Variants in USP6NL observed in about 807,000 individuals in gnomAD.
USP6NL encodes USP6 N-terminal-like protein.
Under a neutral mutation model 61.9 loss-of-function variants are expected in USP6NL, and 26 were observed. The observed-to-expected ratio is 0.42, with a 90% CI of 0.31 to 0.58. The LOEUF is 0.58. USP6NL is among the 20% of genes least tolerant of loss of function. USP6NL has a pLI of 0.16. For synonymous variants in USP6NL, 432 were observed against 390.1 expected, an observed-to-expected ratio of 1.11 and a Z score of -1.27; for missense variants, 1,114 against 1,034.3, an observed-to-expected ratio of 1.08 and a Z score of -1.06.
chr10:11,509,506 A>C, intron 6 of USP6NL, 89 bp downstream of exon 6: 3 of 1,242,102 alleles, frequency 2.4e-6, no homozygotes, highest in Non-Finnish European at 3.3e-6. Context: ...TATGAATGTA[A>C]CACTCTTATA....
chr10:11,484,821 C>A lies in USP6NL; in HGVS notation c.925+150G>T, dbSNP rs991523014. ...AGAAAGAACTTACAAAAGTACATTA[C>A]CAATTGATGATAATTTCTCCACTGA... On this transcript the variant is annotated intron_variant, in intron 13 of 14. Transcript: ENST00000609104. 7.0e-6 allele frequency: 4 copies of A among 571,952 alleles called. No homozygotes were observed. The African/African-American group carries it at 7.7e-5, about 11-fold the overall frequency. The allele number at this position is 571,952 out of a possible 1,614,324, so 35.4% of individuals were successfully genotyped here. A position where few individuals can be genotyped will look rare whatever the true frequency, so the allele number is the denominator to read the frequency against.
intron 2 of USP6NL, among the ~76,000 whole-genome samples, chr10:11,544,658 T>G (rs953244455): frequency 6.6e-6 from 1 of 152,130 alleles, no homozygotes; most frequent in African/African-American, 2.4e-5. Flanking sequence ...TGGCCAACCT[T>G]TTGTATTTTC....
chr10:11,468,932 T>A lies in USP6NL; in HGVS notation c.1079-5083A>T, dbSNP rs1015136158. ...TGCAAAGGTATGTGTCATACATACG[T>A]AGGAGATTTAATTTTTTAATATAAG... On this transcript the variant is annotated intron_variant, in intron 14 of 14. Transcript: ENST00000609104. The surrounding 1 kb of genome is among the most constrained non-coding windows in gnomAD (Gnocchi z 4.5). Among the ~76,000 whole-genome samples the A allele has an allele frequency of 1.3e-5, 2 of 152,242 alleles. No individual in the cohort carries two copies. Among genetic ancestry groups the A allele is most frequent in the African/African-American group, 4.8e-5 (2 of 41,456 alleles).
rs116178080 is a variant in USP6NL, at chr10:11,585,581, G to T, written c.4+12050C>A. ...GGAGGCTGAGGAACGGGAATGGCGC[G>T]AACCCGGGATGCGGAGCTTTCAGTG... On this transcript the variant is annotated intron_variant, in intron 2 of 14. Transcript: ENST00000609104. This position sits in a 1 kb window ranked among gnomAD's most constrained non-coding sequence, Gnocchi z 4.5. 2.0e-5 allele frequency among the ~76,000 whole-genome samples: 3 copies of T among 152,062 alleles called. No homozygotes were observed. The highest frequency in any genetic ancestry group is 2.9e-5 in the Non-Finnish European group (2 of 68,020).
intron 2 of USP6NL, among the ~76,000 whole-genome samples, chr10:11,547,092 C>A (rs1046280748): frequency 1.8e-4 from 28 of 152,146 alleles, no homozygotes. Context: ...CTAATAACTT[C>A]TTTACTACTT....
At chr10:11,538,691 A>G (rs948891998) in intron 2 of USP6NL, among the ~76,000 whole-genome samples, 1 of 152,160 alleles carries the variant, frequency 6.6e-6, no homozygotes, top group Non-Finnish European at 1.5e-5. Flanking sequence ...TTTCTCTTAT[A>G]TATTTATTCC....
rs1832408524 is a variant in USP6NL, at chr10:11,465,407, C to T, written c.1079-1558G>A. Among the ~76,000 whole-genome samples the T allele has an allele frequency of 1.3e-5, 2 of 152,198 alleles. No individual in the cohort carries two copies. The highest frequency in any genetic ancestry group is 1.3e-4 in the Admixed American group (2 of 15,280). On this transcript the variant is annotated intron_variant, in intron 14 of 14. Coordinates refer to ENST00000609104, the MANE Select transcript of USP6NL (RefSeq NM_014688.5). This position sits in a 1 kb window ranked among gnomAD's most constrained non-coding sequence, Gnocchi z 4.5. ...AAGATGCACTGTCACAGGGGCAAAA[C>T]TGGATTCGCTGCAGAGACTGTCACA...
rs1297895615 is a variant in USP6NL at position 11,611,178 on chromosome 10, C to G, written c.-84+265G>C. On this transcript the variant is annotated intron_variant, in intron 1 of 14. Transcript: ENST00000609104. This position sits in a 1 kb window ranked among gnomAD's most constrained non-coding sequence, Gnocchi z 5.3. Reference sequence around the variant, plus strand: ...CGCCGGGTTCCACCCCCGGGCCTCCCCGCACCCCGCGCGGCGCCCCCAGCC... The same window carrying G: ...CGCCGGGTTCCACCCCCGGGCCTCCGCGCACCCCGCGCGGCGCCCCCAGCC... 6.6e-6 allele frequency: 1 copy of G among 152,022 alleles called. No individual in the cohort carries two copies. Among genetic ancestry groups the G allele is most frequent in the Admixed American group, 6.5e-5 (1 of 15,274 alleles). The allele number at this position is 152,022 out of a possible 1,614,324, so 9.4% of individuals were successfully genotyped here. A position where few individuals can be genotyped will look rare whatever the true frequency, so the allele number is the denominator to read the frequency against.
At position 11,592,733 on chromosome 10, in the gene USP6NL, T is replaced by C. The variant is rs1448117467; in HGVS notation, c.4+4898A>G. Among the ~76,000 whole-genome samples, 1 of 152,224 alleles carries C rather than the reference T, an allele frequency of 6.6e-6. No homozygotes were observed. Among genetic ancestry groups the C allele is most frequent in the Non-Finnish European group, 1.5e-5 (1 of 68,032 alleles). On this transcript the variant is annotated intron_variant, in intron 2 of 14. Transcript: ENST00000609104. This position sits in a 1 kb window ranked among gnomAD's most constrained non-coding sequence, Gnocchi z 4.7. ...AGATAGGCTACTGTCCTAGAGAGTT[T>C]TAGCCAGTACTTATGGGAAGTCTTC... is the stretch of plus-strand genomic sequence containing the variant.
chr10:11,569,141 GT>G (rs1173647968), intron 2 of USP6NL, among the ~76,000 whole-genome samples: 1 of 152,152 alleles, frequency 6.6e-6, no homozygotes, highest in Admixed American at 6.5e-5. Context: ...TATAACTTTA[GT>G]TTTGTAAGCT....
chr10:11,569,298 T>C (rs541531473), intron 2 of USP6NL, among the ~76,000 whole-genome samples: 2 of 152,208 alleles, frequency 1.3e-5, no homozygotes, highest in Admixed American at 6.5e-5. Context: ...GCTTAAGTTA[T>C]TAGCTATAAT....
At position 11,481,870 on chromosome 10, in the gene USP6NL, G is replaced by T. The variant is rs944076232; in HGVS notation, c.978C>A (p.Thr326=). ...MEELVEFFQE[T]LAKDFFFEDD... is the part of the protein sequence containing the mutation. ...CTTCAAAGAAAAAATCCTTTGCCAG[G>T]GTCTCCTGAAAAAATTCTACAAGTT... Residue 326 remains threonine, a synonymous_variant, in exon 14 of 15, where the codon ACC becomes ACA. Coordinates refer to ENST00000609104, the MANE Select transcript of USP6NL (RefSeq NM_014688.5). The surrounding 1 kb of genome is among the most constrained non-coding windows in gnomAD (Gnocchi z 4.4). 11 of 1,611,878 alleles carry T rather than the reference G, an allele frequency of 6.8e-6. No homozygotes were observed. Among genetic ancestry groups the T allele is most frequent in the Non-Finnish European group, 4.2e-6 (5 of 1,179,050 alleles).
At chr10:11,480,990 A>G (rs1833173289) in intron 14 of USP6NL, among the ~76,000 whole-genome samples, 1 of 152,126 alleles carries the variant, frequency 6.6e-6, no homozygotes, top group South Asian at 2.1e-4. Flanking sequence ...CGACATTTTC[A>G]TTTTCTTCCC....
intron 2 of USP6NL, among the ~76,000 whole-genome samples, chr10:11,594,822 T>C (rs1838274870): frequency 6.6e-6 from 1 of 152,246 alleles, no homozygotes; most frequent in South Asian, 2.1e-4. Flanking sequence ...ACCTATTTAG[T>C]GCCAGGAACA....
At chr10:11,531,228 G>A (rs891647193) in intron 2 of USP6NL, among the ~76,000 whole-genome samples, 2 of 152,140 alleles carry the variant, frequency 1.3e-5, no homozygotes, top group Admixed American at 1.3e-4. Context: ...TAATTAAAGA[G>A]TAATCAGTGT....
chr10:11,555,099 T>TG lies in USP6NL; in HGVS notation c.5-27533_5-27532insC, dbSNP rs1390114831. Among the ~76,000 whole-genome samples the TG allele has an allele frequency of 9.1e-4, 122 of 133,442 alleles. 1 individual carries two copies. Among genetic ancestry groups the TG allele is most frequent in the East Asian group, 4.7e-3 (13 of 2,762 alleles). The allele number at this position is 133,442 out of a possible 152,430, so 87.5% of individuals were successfully genotyped here. On this transcript the variant is annotated intron_variant, in intron 2 of 14. Coordinates refer to ENST00000609104, the MANE Select transcript of USP6NL (RefSeq NM_014688.5). ...AGCCACCGCGCCTGGCCTGTTTTTT[T>TG]TTTTTTTTGGTTTTTTTTTTTAAGA...
chr10:11,470,866 A>G lies in USP6NL; in HGVS notation c.1079-7017T>C, dbSNP rs1007664357. 6.6e-6 allele frequency among the ~76,000 whole-genome samples: 1 copy of G among 152,044 alleles called. No homozygotes were observed. Among genetic ancestry groups the G allele is most frequent in the Non-Finnish European group, 1.5e-5 (1 of 67,992 alleles). ...ACTACAGTCTCATGCCTAAAATTTT[A>G]TTTTCCCTTTCCTCTCCCTAAAAAC... On this transcript the variant is annotated intron_variant, in intron 14 of 14. Transcript: ENST00000609104. The surrounding 1 kb of genome is among the most constrained non-coding windows in gnomAD (Gnocchi z 5.4).
chr10:11,525,433 A>T lies in USP6NL; in HGVS notation c.108T>A (p.Asp36Glu). ...TGACTTTGTAAACAAGGTAATCAGCATCTTCCCAAGGTTCAATCTCTGCAC... is the reference window on the plus strand; with the variant it reads ...TGACTTTGTAAACAAGGTAATCAGCTTCTTCCCAAGGTTCAATCTCTGCAC... ...REGAEIEPWEDADYLVYKVTD... is the reference protein window; with the variant it reads ...REGAEIEPWEEADYLVYKVTD... Residue 36 changes from aspartate to glutamate, a missense_variant, in exon 4 of 15, where the codon GAT becomes GAA. Asp to Glu is a conservative substitution (Grantham distance 45, BLOSUM62 2). Transcript: ENST00000609104. This position sits in a 1 kb window ranked among gnomAD's most constrained non-coding sequence, Gnocchi z 5.0. The T allele has an allele frequency of 6.3e-7, 1 of 1,599,396 alleles. No homozygotes were observed. The highest frequency in any genetic ancestry group is 8.5e-7 in the Non-Finnish European group (1 of 1,175,980).
chr10:11,493,929 G>A (rs370586645), intron 7 of USP6NL, among the ~76,000 whole-genome samples: 1 of 152,174 alleles, frequency 6.6e-6, no homozygotes, highest in Admixed American at 6.5e-5. Flanking sequence ...TCAGGTCTTG[G>A]AGCCTCCCTT....
Sources: gnomAD v4.1 joint callset for allele counts (sites outside exome capture counted in the v4.1 genomes callset) on GRCh38, gnomAD v4.1.1 for gene constraint, Gnocchi (gnomAD v3.1) non-coding constraint, MANE v1.5 for transcripts, NCBI Gene and HGNC (gene_info 2026-07-23, HGNC 2026-07-21) for gene names.